GALNT13: variants seen among roughly 807,000 people sequenced by gnomAD.
The protein encoded by GALNT13 is polypeptide N-acetylgalactosaminyltransferase 13, also known as UDP-GalNAc:polypeptide N-acetylgalactosaminyltransferase 13.
In GALNT13, 28 loss-of-function variants were observed where a neutral mutation model predicts 64.2. That is an observed-to-expected ratio of 0.44 (90% CI 0.32 to 0.60). The LOEUF is 0.60. Among genes scored for constraint, GALNT13 ranks in the 20% least tolerant of loss-of-function variants. GALNT13 has a pLI of 0.05. For missense variants in GALNT13, 577 were observed against 669.8 expected (o/e 0.86, Z 1.53); for synonymous variants, 214 against 224.6 (o/e 0.95, Z 0.42).
chr2:154,242,791 C>T lies in GALNT13; in HGVS notation c.572C>T (p.Ala191Val). 1 of 1,613,970 alleles carries T rather than the reference C, an allele frequency of 6.2e-7. No homozygotes were observed. The highest frequency in any genetic ancestry group is 1.3e-5 in the African/African-American group (1 of 75,044). The change falls in exon 6 of 13, where the codon GCC becomes GTC. Residue 191 changes from alanine to valine, a missense_variant. Around this residue, in one of 3 missense-constraint regions of GALNT13, gnomAD observed 341 missense variants for 379.3 expected, o/e 0.90. Coordinates refer to ENST00000392825, the MANE Select transcript of GALNT13 (RefSeq NM_052917.4). Reference protein sequence around the residue: ...RMEERSGLIRARLRGAAASKG... With the variant: ...RMEERSGLIRVRLRGAAASKG... ...GAAGAACGCTCTGGGTTAATACGTG[C>T]CCGTCTTCGAGGAGCAGCTGCTTCA...
Position 154,140,453 on chromosome 2 carries a change from G to A in GALNT13, c.259G>A (p.Ala87Thr). The change falls in exon 4 of 13, where the codon GCC (alanine) becomes ACC (threonine). Residue 87 changes from alanine (A) to threonine (T), a missense_variant. Around this residue, in one of 3 missense-constraint regions of GALNT13, gnomAD observed 341 missense variants for 379.3 expected, o/e 0.90. Transcript: ENST00000392825. ...TAAAATCAATCAGTTTAACCTTATG[G>A]CCAGTGATTTGATTGCCCTTAATAG... ...LFKINQFNLM[A>T]SDLIALNRSL... 6.2e-7 allele frequency: 1 copy of A among 1,612,674 alleles called. No homozygotes were observed. The highest frequency in any genetic ancestry group is 2.2e-5 in the East Asian group (1 of 44,768).
At chr2:154,100,038 C>G (rs927608042) in intron 3 of GALNT13, among the ~76,000 whole-genome samples, 3 of 152,082 alleles carry the variant, frequency 2.0e-5, no homozygotes, top group Admixed American at 6.6e-5. Flanking sequence ...GGCTTTATTT[C>G]TGGGTTCTTT....
intron 4 of GALNT13, among the ~76,000 whole-genome samples, chr2:154,225,110 A>AGATAGAT (rs1688522790): frequency 9.3e-6 from 1 of 107,808 alleles, no homozygotes; most frequent in African/African-American, 3.9e-5. Flanking sequence ...AGAGATAGAT[A>AGATAGAT]GATAGATAGA....
chr2:153,477,377 A>C, the GALNT13 span: 2 of 152,630 alleles, frequency 1.3e-5, no homozygotes, highest in South Asian at 2.1e-4. Context: ...AATGTTAAAT[A>C]AGAAAAAAAC....
At chr2:154,076,717 A>T (rs944989703) in intron 3 of GALNT13, among the ~76,000 whole-genome samples, 2 of 151,722 alleles carry the variant, frequency 1.3e-5, no homozygotes, top group Non-Finnish European at 3.0e-5. Context: ...GATTGTCCCA[A>T]TTAAACCAAG....
chr2:153,394,991 T>G, the GALNT13 span, among the ~76,000 whole-genome samples: 1 of 152,138 alleles, frequency 6.6e-6, no homozygotes, highest in Non-Finnish European at 1.5e-5. Flanking sequence ...CACAATTAAC[T>G]TCCTTGCAGT....
At chr2:153,496,746 G>A in the GALNT13 span, among the ~76,000 whole-genome samples, 2 of 152,076 alleles carry the variant, frequency 1.3e-5, no homozygotes, top group Non-Finnish European at 2.9e-5. Context: ...GGAATTTTGG[G>A]AGTTCAAGGT....
the GALNT13 span, among the ~76,000 whole-genome samples, chr2:153,204,804 A>G: frequency 1.9e-3 from 287 of 152,220 alleles, no homozygotes; most frequent in Middle Eastern, 6.8e-3. Context: ...CTATCTATAC[A>G]TGCTTGTATA....
chr2:153,653,268 C>T, the GALNT13 span, among the ~76,000 whole-genome samples: 3 of 152,116 alleles, frequency 2.0e-5, no homozygotes, highest in South Asian at 4.1e-4. Flanking sequence ...GATTCAAGCT[C>T]AGCAAAGCTT....
intron 3 of GALNT13, among the ~76,000 whole-genome samples, chr2:154,022,927 T>G (rs1186519005): frequency 6.6e-6 from 1 of 152,186 alleles, no homozygotes; most frequent in African/African-American, 2.4e-5. Flanking sequence ...AAGAACATCT[T>G]TATTTCTGCC....
At chr2:153,693,179 A>G in the GALNT13 span, among the ~76,000 whole-genome samples, 1 of 152,188 alleles carries the variant, frequency 6.6e-6, no homozygotes, top group African/African-American at 2.4e-5. Flanking sequence ...AATCCGGCAG[A>G]TCTCTGGTAC....
intron 3 of GALNT13, among the ~76,000 whole-genome samples, chr2:154,092,697 T>A (rs1460368554): frequency 6.6e-6 from 1 of 152,072 alleles, no homozygotes; most frequent in Non-Finnish European, 1.5e-5. Flanking sequence ...AATTTACATT[T>A]ACAGAGAAAC....
the GALNT13 span, among the ~76,000 whole-genome samples, chr2:153,726,264 T>C: frequency 1.3e-5 from 2 of 152,308 alleles, no homozygotes; most frequent in South Asian, 4.1e-4. Flanking sequence ...AAAGTTTAAT[T>C]TGAATGATTG....
the GALNT13 span, among the ~76,000 whole-genome samples, chr2:153,521,947 A>G: frequency 3.3e-5 from 5 of 152,156 alleles, no homozygotes; most frequent in Non-Finnish European, 7.4e-5. Context: ...TGCCAACTGA[A>G]TGATATCTTA....
At chr2:154,163,566 T>C (rs1187051182) in intron 4 of GALNT13, among the ~76,000 whole-genome samples, 1 of 152,160 alleles carries the variant, frequency 6.6e-6, no homozygotes, top group African/African-American at 2.4e-5. Flanking sequence ...CTGTGGCAGT[T>C]GTGCTGATTG....
chr2:154,031,989 A>C (rs1488640937), intron 3 of GALNT13, among the ~76,000 whole-genome samples: 1 of 151,998 alleles, frequency 6.6e-6, no homozygotes, highest in Non-Finnish European at 1.5e-5. Flanking sequence ...GGAAAACTTT[A>C]TAGATTTGAT....
At chr2:153,852,894 G>C in the GALNT13 span, among the ~76,000 whole-genome samples, 3 of 152,146 alleles carry the variant, frequency 2.0e-5, no homozygotes, top group Non-Finnish European at 4.4e-5. Context: ...ATAAATGAAA[G>C]GGAGTTTATT....
the GALNT13 span, among the ~76,000 whole-genome samples, chr2:153,814,187 TC>T: frequency 9.2e-5 from 14 of 152,324 alleles, 1 homozygote; most frequent in Admixed American, 7.8e-4. Context: ...ACGCCTGTAA[TC>T]CCAGCACTTT....
the GALNT13 span, among the ~76,000 whole-genome samples, chr2:153,495,183 T>A: frequency 6.6e-6 from 1 of 152,158 alleles, no homozygotes; most frequent in South Asian, 2.1e-4. Flanking sequence ...AGAATTCTCA[T>A]ACATCACTGG....
Sources: allele counts gnomAD v4.1 joint callset (sites outside exome capture counted in the v4.1 genomes callset), GRCh38; gene constraint gnomAD v4.1.1; regional missense constraint gnomAD v4.1.1; transcripts MANE v1.5; gene names NCBI Gene and HGNC (gene_info 2026-07-23, HGNC 2026-07-21).